Variants in CLDN6 observed in about 807,000 individuals in gnomAD.
CLDN6 encodes claudin-6.
For missense variants in CLDN6, 279 were observed against 284.1 expected, an observed-to-expected ratio of 0.98 and a Z score of 0.13; for synonymous variants, 144 against 131.2, an observed-to-expected ratio of 1.10 and a Z score of -0.67.
chr16:3,016,116 C>G (rs369267980), intron 1 of CLDN6, 74 bp from the exon 2 acceptor site: 1 of 1,366,430 alleles, frequency 7.3e-7, no homozygotes, highest in Non-Finnish European at 1.0e-6. Flanking sequence ...GGACAGGACT[C>G]TAGGGGCATG....
In CLDN6 at chr16:3,018,176, G is replaced by C. The variant is rs1323694289; in HGVS notation, c.-49C>G. On this transcript the variant is annotated 5_prime_UTR_variant, in exon 1 of 2. Transcript: ENST00000328796. ...GCGAAGGAGATAAGGGAAATTCCTA[G>C]GCCGAGTGTCGGGACAGGGGCGGAG... 1 of 152,282 alleles carries C rather than the reference G, an allele frequency of 6.6e-6. No individual in the cohort carries two copies. The highest frequency in any genetic ancestry group is 1.5e-5 in the Non-Finnish European group (1 of 68,090). 9.4% of individuals were successfully genotyped at this position (152,282 alleles called of 1,614,324 possible). A position where few individuals can be genotyped will look rare whatever the true frequency, so the allele number is the denominator to read the frequency against.
Position 3,014,812 on chromosome 16 carries a change from G to A in CLDN6, c.*547C>T. On this transcript the variant is annotated 3_prime_UTR_variant, in exon 2 of 2. Transcript: ENST00000328796. ...GGTGCAGTGTTGGAGGTGGGGGCGG[G>A]GGTCTACATAGCTGGGACCTGGCCC... 3.6e-6 allele frequency: 1 copy of A among 281,364 alleles called. No individual in the cohort carries two copies. The highest frequency in any genetic ancestry group is 6.1e-5 in the East Asian group (1 of 16,422). The allele number at this position is 281,364 out of a possible 1,614,324, so 17.4% of individuals were successfully genotyped here. A position where few individuals can be genotyped will look rare whatever the true frequency, so the allele number is the denominator to read the frequency against.
Position 3,015,845 on chromosome 16 carries a change from G to C in CLDN6, c.177C>G (p.Thr59=), listed in dbSNP as rs765057363. ...GLWMSCVVQS[T]GQMQCKVYDS... is the part of the protein sequence containing the mutation. ...CGTACACCTTGCACTGCATCTGGCC[G>C]GTGCTCTGCACCACGCAGGACATCC... Residue 59 remains threonine (T), a synonymous_variant, in exon 2 of 2, where the codon ACC becomes ACG. Transcript: ENST00000328796. 9.3e-6 allele frequency: 15 copies of C among 1,614,208 alleles called. No homozygotes were observed. Among genetic ancestry groups the C allele is most frequent in the East Asian group, 8.9e-5 (4 of 44,896 alleles).
At chr16:3,016,939 C>T (rs577018032) in intron 1 of CLDN6, among the ~76,000 whole-genome samples, 2 of 152,080 alleles carry the variant, frequency 1.3e-5, no homozygotes, top group South Asian at 4.2e-4. Context: ...TGAGCCACCA[C>T]ACCTGGTCTT....
chr16:3,015,859 C>T lies in CLDN6; in HGVS notation c.163G>A (p.Val55Met), dbSNP rs755082062. 1.4e-5 allele frequency: 23 copies of T among 1,614,126 alleles called. No homozygotes were observed. The highest frequency in any genetic ancestry group is 6.7e-5 in the East Asian group (3 of 44,904). ...TGCATCTGGCCGGTGCTCTGCACCA[C>T]GCAGGACATCCACAGGCCCTCCCAC... ...VVWEGLWMSC[V>M]VQSTGQMQCK... The change falls in exon 2 of 2, where the codon GTG becomes ATG. Residue 55 changes from valine (V) to methionine (M), a missense_variant. Coordinates refer to ENST00000328796, the MANE Select transcript of CLDN6 (RefSeq NM_021195.5).
chr16:3,016,009 C>T lies in CLDN6; in HGVS notation c.13G>A (p.Gly5Arg), dbSNP rs765594436. ...AGGACGACTCCCAGGATCTGCATTC[C>T]GGCAGAGGCCATGGCGAGGTTGAAG... The part of the protein sequence containing the change: MASA[G>R]MQILGVVLTL... The change falls in exon 2 of 2, where the codon GGA becomes AGA. Residue 5 changes from glycine (G) to arginine (R), a missense_variant. Gly to Arg is a moderately radical substitution (Grantham distance 125, BLOSUM62 -2). Coordinates refer to ENST00000328796, the MANE Select transcript of CLDN6 (RefSeq NM_021195.5). 9.9e-6 allele frequency: 16 copies of T among 1,613,304 alleles called. No homozygotes were observed. Among genetic ancestry groups the T allele is most frequent in the African/African-American group, 4.0e-5 (3 of 74,944 alleles).
chr16:3,016,183 C>T, intron 1 of CLDN6, 141 bp from the exon 2 acceptor site: 5 of 730,862 alleles, frequency 6.8e-6, no homozygotes, highest in Non-Finnish European at 1.1e-5. Context: ...CTCCCTGAGC[C>T]TCACTTCTCG....
chr16:3,018,156 G>C lies in CLDN6; in HGVS notation c.-29C>G, dbSNP rs952527994. On this transcript the variant is annotated 5_prime_UTR_variant, in exon 1 of 2. Transcript: ENST00000328796. ...CACTAGCCCCGGACTCACCTGCGAAGGAGATAAGGGAAATTCCTAGGCCGA... is the reference window on the plus strand; with the variant it reads ...CACTAGCCCCGGACTCACCTGCGAACGAGATAAGGGAAATTCCTAGGCCGA... 32 of 152,406 alleles carry C rather than the reference G, an allele frequency of 2.1e-4. 1 individual carries two copies. Among genetic ancestry groups the C allele is most frequent in the African/African-American group, 7.5e-4 (31 of 41,572 alleles). 9.4% of individuals were successfully genotyped at this position (152,406 alleles called of 1,614,324 possible). A position where few individuals can be genotyped will look rare whatever the true frequency, so the allele number is the denominator to read the frequency against.
intron 1 of CLDN6, among the ~76,000 whole-genome samples, chr16:3,017,678 G>A (rs953623224): frequency 1.3e-5 from 2 of 152,024 alleles, no homozygotes; most frequent in Non-Finnish European, 2.9e-5. Context: ...GGCCGCGCTG[G>A]TATAGGCGCC....
intron 1 of CLDN6, among the ~76,000 whole-genome samples, chr16:3,016,995 G>C (rs1418185395): frequency 6.6e-6 from 1 of 151,586 alleles, no homozygotes; most frequent in Non-Finnish European, 1.5e-5. Flanking sequence ...AAGTTGGCCA[G>C]GCGGGTCTCG....
rs1193045082 is a variant in CLDN6 at position 3,014,768 on chromosome 16, GA to G, written c.*590del. 1.9e-5 allele frequency: 4 copies of G among 210,892 alleles called. No individual in the cohort carries two copies. Among genetic ancestry groups the G allele is most frequent in the Non-Finnish European group, 3.7e-5 (4 of 107,490 alleles). 13.1% of individuals were successfully genotyped at this position (210,892 alleles called of 1,614,324 possible). A position where few individuals can be genotyped will look rare whatever the true frequency, so the allele number is the denominator to read the frequency against. ...AATGTGAGTGTAAAGGGGGTGAGAC[GA>G]GGGGGGCAGGGCAGAAGGGTGCAGT... On this transcript the variant is annotated 3_prime_UTR_variant, in exon 2 of 2. Transcript: ENST00000328796.
chr16:3,015,488 C>T lies in CLDN6; in HGVS notation c.534G>A (p.Gly178=). ...AGGGGCAAGTGCAGCACAGCAACCC[C>T]CCACCCAGCAACAAAAGGCCTGAGG... is the stretch of plus-strand genomic sequence containing the variant. The part of the protein sequence containing the change: ...WAASGLLLLG[G]GLLCCTCPSG... The change falls in exon 2 of 2, where the codon GGG becomes GGA. Residue 178 remains glycine (G), a synonymous_variant. Coordinates refer to ENST00000328796, the MANE Select transcript of CLDN6 (RefSeq NM_021195.5). 3 of 1,609,256 alleles carry T rather than the reference C, an allele frequency of 1.9e-6. No individual in the cohort carries two copies. The highest frequency in any genetic ancestry group is 1.1e-5 in the South Asian group (1 of 90,806).
intron 1 of CLDN6, among the ~76,000 whole-genome samples, chr16:3,017,414 C>G (rs953568884): frequency 1.3e-5 from 2 of 152,206 alleles, no homozygotes; most frequent in Admixed American, 1.3e-4. Flanking sequence ...CACCTGTGTC[C>G]CCTCAGTGTT....
At position 3,015,364 on chromosome 16, in the gene CLDN6, C is replaced by T. The variant is rs150318164; in HGVS notation, c.658G>A (p.Val220Ile). 5.7e-4 allele frequency: 870 copies of T among 1,521,410 alleles called. No individual in the cohort carries two copies. Among genetic ancestry groups the T allele is most frequent in the Admixed American group, 2.5e-3 (112 of 44,296 alleles). 94.2% of individuals were successfully genotyped at this position (1,521,410 alleles called of 1,614,324 possible). ...GPSEYPTKNY[V>I] ...AGCCCCCATTCCCCTCCACGTCAGA[C>T]GTAATTCTTGGTAGGGTACTCAGAG... Residue 220 changes from valine (V) to isoleucine (I), a missense_variant, in exon 2 of 2, where the codon GTC becomes ATC. Physicochemically the swap from Val to Ile is conservative, Grantham distance 29. Coordinates refer to ENST00000328796, the MANE Select transcript of CLDN6 (RefSeq NM_021195.5).
chr16:3,016,814 A>ATTTTTTTTTTTTTT (rs545186433), intron 1 of CLDN6, among the ~76,000 whole-genome samples: 1 of 150,854 alleles, frequency 6.6e-6, no homozygotes, highest in African/African-American at 2.5e-5. Flanking sequence ...CGCCCGGCTA[A>ATTTTTTTTTTTTTT]TTTTTTTGTA....
chr16:3,017,939 TGGGGAGG>T (rs2072578460), intron 1 of CLDN6, among the ~76,000 whole-genome samples: 1 of 132,166 alleles, frequency 7.6e-6, no homozygotes, highest in Non-Finnish European at 1.7e-5. Context: ...TCTTTGTCCC[TGGGGAGG>T]GGGGAGGGGC....
intron 1 of CLDN6, among the ~76,000 whole-genome samples, chr16:3,016,290 CCTGG>C (rs1377001948): frequency 2.0e-5 from 3 of 152,332 alleles, no homozygotes; most frequent in African/African-American, 7.2e-5. Flanking sequence ...GCAGCCCTGC[CCTGG>C]CTATCCTGAA....
Position 3,015,278 on chromosome 16 carries a change from G to C in CLDN6, c.*81C>G, listed in dbSNP as rs1596468003. 7.9e-7 allele frequency: 1 copy of C among 1,266,624 alleles called. No homozygotes were observed. 78.5% of individuals were successfully genotyped at this position (1,266,624 alleles called of 1,614,324 possible). A position where few individuals can be genotyped will look rare whatever the true frequency, so the allele number is the denominator to read the frequency against. ...AAATAGCAGGAGGCAGAAACAAAAG[G>C]TACGAACCCATCCCAAAGCTGTTGG... On this transcript the variant is annotated 3_prime_UTR_variant, in exon 2 of 2. Transcript: ENST00000328796.
intron 1 of CLDN6, among the ~76,000 whole-genome samples, chr16:3,016,636 A>G (rs1330733217): frequency 7.1e-6 from 1 of 141,238 alleles, no homozygotes; most frequent in Non-Finnish European, 1.5e-5. Flanking sequence ...GCACACCACC[A>G]CGCCCGGCTA....
Sources: allele counts gnomAD v4.1 joint callset (sites outside exome capture counted in the v4.1 genomes callset), GRCh38; gene constraint gnomAD v4.1.1; transcripts MANE v1.5; gene names NCBI Gene and HGNC (gene_info 2026-07-23, HGNC 2026-07-21).